The following NEBL variants were observed in gnomAD, a reference collection of about 807,000 sequenced individuals.
The protein encoded by NEBL is nebulette, also known as LIM and SH3 protein 2.
Under a neutral mutation model 140.2 loss-of-function variants are expected in NEBL, and 122 were observed. That is an observed-to-expected ratio of 0.87 (90% CI 0.75 to 1.01). The LOEUF (loss-of-function observed/expected upper bound fraction) is 1.01, where lower values mean the gene tolerates loss of function less well. Among genes scored for constraint, NEBL ranks in the 50% least tolerant of loss-of-function variants. NEBL has a pLI of 0.00. For missense variants in NEBL, 1,365 were observed against 1,231.3 expected, an observed-to-expected ratio of 1.11 and a Z score of -1.62; for synonymous variants, 436 against 398.9, an observed-to-expected ratio of 1.09 and a Z score of -1.11.
intron 2 of NEBL, chr10:21,029,922 T>C: frequency 1.7e-6 from 1 of 600,094 alleles, no homozygotes; most frequent in East Asian, 3.2e-5. Context: ...GATGGGATGA[T>C]GGGTCGTGCA....
chr10:21,229,786 A>G (rs1033792978), intron 3 of NEBL, among the ~76,000 whole-genome samples: 3 of 152,228 alleles, frequency 2.0e-5, no homozygotes, highest in African/African-American at 7.2e-5. Flanking sequence ...ACCACGTCAC[A>G]TACCTTTGTA....
chr10:20,885,539 C>T (rs1345824969), intron 4 of NEBL, among the ~76,000 whole-genome samples: 4 of 152,040 alleles, frequency 2.6e-5, no homozygotes. Flanking sequence ...TGATAGATTC[C>T]AAAATATACA....
Position 20,819,247 on chromosome 10 carries a change from C to CT in NEBL, c.2055+176dup, listed in dbSNP as rs1426530778. 4.5e-6 allele frequency: 5 copies of CT among 1,108,286 alleles called. No individual in the cohort carries two copies. The East Asian group carries it at 1.4e-4, about 31-fold the overall frequency. 68.7% of individuals were successfully genotyped at this position (1,108,286 alleles called of 1,614,324 possible). On this transcript the variant is annotated intron_variant, in intron 20 of 27. Coordinates refer to ENST00000377122, the MANE Select transcript of NEBL (RefSeq NM_006393.3). ...TCTCCCGTCCAACAGGCTCCGGTGT[C>CT]TGTTATTCCCCTCTATGTGTCCATG...
At chr10:21,212,918 C>T (rs1291740236) in intron 3 of NEBL, among the ~76,000 whole-genome samples, 1 of 152,098 alleles carries the variant, frequency 6.6e-6, no homozygotes, top group African/African-American at 2.4e-5. Flanking sequence ...AAGCCTATGG[C>T]TTTGGAGAAA....
intron 4 of NEBL, among the ~76,000 whole-genome samples, chr10:20,938,794 C>A (rs920625728): frequency 2.0e-5 from 3 of 152,088 alleles, no homozygotes; most frequent in Non-Finnish European, 4.4e-5. Flanking sequence ...GACGAATGCA[C>A]GAGCCTCAGT....
intron 4 of NEBL, among the ~76,000 whole-genome samples, chr10:20,922,132 A>G (rs969549785): frequency 3.3e-5 from 5 of 152,192 alleles, no homozygotes; most frequent in Non-Finnish European, 7.3e-5. Context: ...AAGAAGCAAC[A>G]GGGTCAAGAG....
At chr10:20,845,145 G>A (rs1841780677) in intron 12 of NEBL, 113 bp downstream of exon 12, 1 of 670,074 alleles carries the variant, frequency 1.5e-6, no homozygotes, top group Admixed American at 2.6e-5. Flanking sequence ...TGAAAAAAAA[G>A]AGTAATGCCT....
chr10:20,792,786 G>A (rs186479721), intron 26 of NEBL, among the ~76,000 whole-genome samples: 19 of 150,240 alleles, frequency 1.3e-4, no homozygotes, highest in Admixed American at 1.1e-3. Flanking sequence ...GGTGACAAGA[G>A]CAAAATAATT....
intron 3 of NEBL, among the ~76,000 whole-genome samples, chr10:21,243,370 A>C (rs1842467499): frequency 6.7e-6 from 1 of 148,772 alleles, no homozygotes; most frequent in Non-Finnish European, 1.5e-5. Flanking sequence ...GCAGTGGTAC[A>C]ATCTCAGCTC....
chr10:21,163,381 G>A (rs1207807759), intron 2 of NEBL, among the ~76,000 whole-genome samples: 2 of 152,134 alleles, frequency 1.3e-5, no homozygotes, highest in Non-Finnish European at 2.9e-5. Flanking sequence ...ATCCAAACAG[G>A]CCATCAAAAA....
intron 3 of NEBL, among the ~76,000 whole-genome samples, chr10:21,237,487 G>A (rs11012603): frequency 0.053 from 8,142 of 152,198 alleles, 260 homozygotes; most frequent in South Asian, 0.14. Context: ...TTACAGGCAT[G>A]AGCCACTGCG....
intron 7 of NEBL, 124 bp from the exon 8 acceptor site, chr10:20,859,950 A>C (rs1843504325): frequency 1.7e-6 from 1 of 577,450 alleles, no homozygotes. Context: ...CCTGGTATCC[A>C]TCGCCTTCTA....
At chr10:20,840,658 A>G in intron 13 of NEBL, 81 bp downstream of exon 13, 2 of 936,844 alleles carry the variant, frequency 2.1e-6, no homozygotes. Flanking sequence ...TTATAGATGT[A>G]TAGAACCTTT....
intron 1 of NEBL, among the ~76,000 whole-genome samples, chr10:21,289,787 C>A (rs1271387500): frequency 6.6e-6 from 1 of 152,154 alleles, no homozygotes; most frequent in African/African-American, 2.4e-5. Flanking sequence ...TATTCTGAGG[C>A]TAGATAGTGG....
At chr10:21,152,097 C>A (rs931204654) in intron 2 of NEBL, among the ~76,000 whole-genome samples, 1 of 152,138 alleles carries the variant, frequency 6.6e-6, no homozygotes, top group East Asian at 1.9e-4. Flanking sequence ...GGAGTGAGTG[C>A]ATTTCCGCTA....
intron 1 of NEBL, among the ~76,000 whole-genome samples, chr10:21,263,511 G>C (rs1184618790): frequency 6.6e-6 from 1 of 152,182 alleles, no homozygotes; most frequent in African/African-American, 2.4e-5. Context: ...AGGTCACAGT[G>C]CTTCTATAAA....
At chr10:20,929,268 T>C (rs1834062841) in intron 4 of NEBL, among the ~76,000 whole-genome samples, 1 of 151,782 alleles carries the variant, frequency 6.6e-6, no homozygotes, top group Non-Finnish European at 1.5e-5. Flanking sequence ...TAAATATATA[T>C]ATATATATAT....
rs34036235 is a variant in NEBL at position 21,144,956 on chromosome 10, T to TA, written c.164+27426dup. 1.3e-3 allele frequency among the ~76,000 whole-genome samples: 165 copies of TA among 123,190 alleles called. 1 individual carries two copies. The highest frequency in any genetic ancestry group is 0.012 in the Middle Eastern group (3 of 242). The allele number at this position is 123,190 out of a possible 152,430, so 80.8% of individuals were successfully genotyped here. ...AAGTATATAAAAAGCCCCTTCAAAT[T>TA]AAAAAAAAAAAAAAGATATCTCTCC... On this transcript the variant is annotated intron_variant, in intron 2 of 6. Coordinates refer to the NEBL transcript ENST00000417816.
At position 20,839,762 on chromosome 10, in the gene NEBL, C is replaced by T. The variant is rs115693223; in HGVS notation, c.1338+977G>A. Among the ~76,000 whole-genome samples the T allele has an allele frequency of 1.0e-3, 158 of 152,192 alleles. 1 individual carries two copies. The highest frequency in any genetic ancestry group is 6.8e-3 in the Middle Eastern group (2 of 294). The stretch of plus-strand genomic sequence containing the variant: ...ACAATGATTATGCCAGGTGTAAGCA[C>T]AGGATAGAGATTAATCCAAGGAGAT... On this transcript the variant is annotated intron_variant, in intron 13 of 27. Coordinates refer to ENST00000377122, the MANE Select transcript of NEBL (RefSeq NM_006393.3).
Sources: allele counts gnomAD v4.1 joint callset (sites outside exome capture counted in the v4.1 genomes callset), GRCh38; gene constraint gnomAD v4.1.1; transcripts MANE v1.5; gene names NCBI Gene and HGNC (gene_info 2026-07-23, HGNC 2026-07-21).